RBM20: variants seen among roughly 807,000 people sequenced by gnomAD.
RBM20 encodes RNA-binding protein 20.
RBM20 carries 51 observed loss-of-function variants against 110.1 expected under a neutral mutation model. The observed-to-expected ratio is 0.46, with a 90% CI of 0.37 to 0.59. RBM20 has a LOEUF of 0.59. Ranked by LOEUF, RBM20 falls within the 20% of genes least tolerant of loss-of-function variation. The pLI is 0.00. For missense variants in RBM20, 1,512 were observed against 1,574.9 expected (o/e 0.96, Z 0.68); for synonymous variants, 589 against 618.2 (o/e 0.95, Z 0.70).
chr10:110,763,197 T>A (rs1844030332), intron 1 of RBM20, among the ~76,000 whole-genome samples: 1 of 152,174 alleles, frequency 6.6e-6, no homozygotes, highest in Non-Finnish European at 1.5e-5. Flanking sequence ...CATATCCGAC[T>A]GGCTTTCACT....
chr10:110,713,429 A>G (rs1359260423), intron 1 of RBM20, among the ~76,000 whole-genome samples: 1 of 152,150 alleles, frequency 6.6e-6, no homozygotes. Context: ...CTCTCATTTT[A>G]GGTGCAATAC....
chr10:110,691,254 G>T (rs1355164046), intron 1 of RBM20, among the ~76,000 whole-genome samples: 1 of 152,208 alleles, frequency 6.6e-6, no homozygotes, highest in African/African-American at 2.4e-5. Context: ...AGAAGTAAAT[G>T]TGCGTGTTCA....
At chr10:110,735,759 C>T (rs1386134683) in intron 1 of RBM20, among the ~76,000 whole-genome samples, 1 of 152,198 alleles carries the variant, frequency 6.6e-6, no homozygotes, top group Non-Finnish European at 1.5e-5. Context: ...AGTTAAGCAT[C>T]GGCTACTACA....
intron 1 of RBM20, among the ~76,000 whole-genome samples, chr10:110,764,171 A>T (rs1229705309): frequency 3.3e-5 from 5 of 152,164 alleles, no homozygotes; most frequent in Non-Finnish European, 7.3e-5. Context: ...GCTGGGAGTC[A>T]GTTTGCTGGG....
intron 1 of RBM20, among the ~76,000 whole-genome samples, chr10:110,758,689 G>A (rs1843954149): frequency 1.3e-5 from 2 of 152,194 alleles, no homozygotes; most frequent in African/African-American, 4.8e-5. Flanking sequence ...GTCACATGTG[G>A]CTGTTGAGCC....
At chr10:110,703,658 A>G (rs1862792345) in intron 1 of RBM20, among the ~76,000 whole-genome samples, 2 of 152,220 alleles carry the variant, frequency 1.3e-5, no homozygotes, top group Non-Finnish European at 1.5e-5. Context: ...ATGTAGGTTC[A>G]TGTTTCCAGC....
rs952272688 is a variant in RBM20 at position 110,781,782 on chromosome 10, G to T, written c.1173G>T (p.Val391=). 6.4e-7 allele frequency: 1 copy of T among 1,551,820 alleles called. No homozygotes were observed. Among genetic ancestry groups the T allele is most frequent in the Non-Finnish European group, 8.7e-7 (1 of 1,147,018 alleles). The change falls in exon 2 of 14, where the codon GTG becomes GTT. Residue 391 remains valine, a synonymous_variant. Transcript: ENST00000369519. ...AGGAGGACCAGGCGTTGCTATCTGTGCGGCCCCTGCAGGCTCATGAGCTGA... is the reference window on the plus strand; with the variant it reads ...AGGAGGACCAGGCGTTGCTATCTGTTCGGCCCCTGCAGGCTCATGAGCTGA... ...RAKEDQALLS[V]RPLQAHELND... is the part of the protein sequence containing the mutation.
At chr10:110,777,363 A>G (rs1161110381) in intron 1 of RBM20, among the ~76,000 whole-genome samples, 2 of 152,222 alleles carry the variant, frequency 1.3e-5, no homozygotes, top group African/African-American at 4.8e-5. Flanking sequence ...TCACTACTAT[A>G]TGCACCTCAA....
chr10:110,804,198 G>A (rs1238607555), intron 7 of RBM20, among the ~76,000 whole-genome samples: 7 of 152,210 alleles, frequency 4.6e-5, no homozygotes, highest in Non-Finnish European at 8.8e-5. Context: ...TTGATCTCTG[G>A]CCAGGGCTAG....
chr10:110,669,466 C>A (rs565681262), intron 1 of RBM20, among the ~76,000 whole-genome samples: 1 of 152,296 alleles, frequency 6.6e-6, no homozygotes, highest in East Asian at 1.9e-4. Context: ...TTTTGCCTCC[C>A]ATTCAAAAAC....
chr10:110,684,699 A>G (rs1211403949), intron 1 of RBM20, among the ~76,000 whole-genome samples: 1 of 152,250 alleles, frequency 6.6e-6, no homozygotes, highest in Non-Finnish European at 1.5e-5. Flanking sequence ...GTTCCTACTT[A>G]ACTTGTTCAT....
chr10:110,837,106 G>C lies in RBM20; in HGVS notation c.*1128G>C, dbSNP rs1010607271. ...GGGGGAGAAGCTAAGGAAAGAGAAG[G>C]CTGCAGATCCAAAGAGTGGCATTGA... On this transcript the variant is annotated 3_prime_UTR_variant, in exon 14 of 14. Coordinates refer to ENST00000369519, the MANE Select transcript of RBM20 (RefSeq NM_001134363.3). 2 of 152,328 alleles carry C rather than the reference G, an allele frequency of 1.3e-5. No homozygotes were observed. Among genetic ancestry groups the C allele is most frequent in the African/African-American group, 2.4e-5 (1 of 41,464 alleles). 9.4% of individuals were successfully genotyped at this position (152,328 alleles called of 1,614,324 possible).
intron 9 of RBM20, among the ~76,000 whole-genome samples, 189 bp downstream of exon 9, chr10:110,813,136 C>T (rs892856579): frequency 5.3e-5 from 8 of 152,190 alleles, no homozygotes; most frequent in African/African-American, 1.9e-4. Flanking sequence ...GAGTACCAAC[C>T]TTTGAGCTTG....
intron 1 of RBM20, among the ~76,000 whole-genome samples, chr10:110,760,739 C>T (rs1214143489): frequency 6.7e-6 from 1 of 149,756 alleles, no homozygotes; most frequent in Non-Finnish European, 1.5e-5. Flanking sequence ...CTGCACCTGG[C>T]CAGGAATTCC....
At chr10:110,654,993 A>T (rs1862001475) in intron 1 of RBM20, among the ~76,000 whole-genome samples, 1 of 152,252 alleles carries the variant, frequency 6.6e-6, no homozygotes, top group Non-Finnish European at 1.5e-5. Context: ...CATGCAGATG[A>T]GGAAACTGAG....
At chr10:110,760,246 CGAA>C (rs1275377490) in intron 1 of RBM20, among the ~76,000 whole-genome samples, 1 of 152,074 alleles carries the variant, frequency 6.6e-6, no homozygotes, top group Non-Finnish European at 1.5e-5. Flanking sequence ...CAGTGCTTCA[CGAA>C]GATCCCTCCC....
At chr10:110,662,011 G>GAAA (rs373054814) in intron 1 of RBM20, among the ~76,000 whole-genome samples, 9,622 of 146,828 alleles carry the variant, frequency 0.066, 569 homozygotes, top group African/African-American at 0.15. Flanking sequence ...ACTGGTCTCA[G>GAAA]GAAAAAAAAA....
Position 110,812,855 on chromosome 10 carries a change from G to T in RBM20, c.2458G>T (p.Ala820Ser), listed in dbSNP as rs374332028. The change falls in exon 9 of 14, where the codon GCC (alanine) becomes TCC (serine). Residue 820 changes from alanine to serine, a missense_variant. Ala to Ser is a moderately conservative substitution (Grantham distance 99). Around this residue, in one of 3 missense-constraint regions of RBM20, gnomAD observed 1,149 missense variants for 1,169.4 expected, o/e 0.98. Coordinates refer to ENST00000369519, the MANE Select transcript of RBM20 (RefSeq NM_001134363.3). ...CACTAGGGCCCCTGAGGGCGCCAAGGCCAAGCAGAATGAGAAAAATAAAAC... is the reference window on the plus strand; with the variant it reads ...CACTAGGGCCCCTGAGGGCGCCAAGTCCAAGCAGAATGAGAAAAATAAAAC... ...KVTRAPEGAKAKQNEKNKTKR... is the reference protein window; with the variant it reads ...KVTRAPEGAKSKQNEKNKTKR... The T allele has an allele frequency of 4.7e-6, 7 of 1,497,932 alleles. No homozygotes were observed. Among genetic ancestry groups the T allele is most frequent in the Non-Finnish European group, 6.2e-6 (7 of 1,124,946 alleles). 92.8% of individuals were successfully genotyped at this position (1,497,932 alleles called of 1,614,324 possible). A position where few individuals can be genotyped will look rare whatever the true frequency, so the allele number is the denominator to read the frequency against.
intron 12 of RBM20, among the ~76,000 whole-genome samples, chr10:110,824,883 G>C (rs186810655): frequency 1.4e-4 from 22 of 152,314 alleles, no homozygotes; most frequent in African/African-American, 5.3e-4. Context: ...TCTGATGCCT[G>C]ATGACCACGT....
Sources: allele counts gnomAD v4.1 joint callset (sites outside exome capture counted in the v4.1 genomes callset), GRCh38; gene constraint gnomAD v4.1.1; regional missense constraint gnomAD v4.1.1; transcripts MANE v1.5; gene names NCBI Gene and HGNC (gene_info 2026-07-23, HGNC 2026-07-21).